LAMB4: variants seen among roughly 807,000 people sequenced by gnomAD.
The protein encoded by LAMB4 is laminin subunit beta-4.
Under a neutral mutation model 199.2 loss-of-function variants are expected in LAMB4, and 196 were observed. The observed-to-expected ratio is 0.98, with a 90% CI of 0.88 to 1.11. The LOEUF is 1.11. LAMB4 is among the 50% of genes least tolerant of loss of function. The pLI is 0.00. For missense variants in LAMB4, 2,080 were observed against 2,171.2 expected (o/e 0.96, Z 0.83); for synonymous variants, 744 against 770.6 (o/e 0.97, Z 0.57).
At chr7:108,035,339 G>A (rs902856843) in intron 30 of LAMB4, among the ~76,000 whole-genome samples, 18 of 151,954 alleles carry the variant, frequency 1.2e-4, no homozygotes, top group Non-Finnish European at 2.2e-4. Context: ...TCAGGAGTTC[G>A]AGACCAGCCT....
chr7:108,116,495 T>C (rs2038413126), intron 2 of LAMB4, among the ~76,000 whole-genome samples: 1 of 152,216 alleles, frequency 6.6e-6, no homozygotes, highest in Admixed American at 6.5e-5. Flanking sequence ...TGAAAGATAC[T>C]GCATTCTGTA....
intron 29 of LAMB4, among the ~76,000 whole-genome samples, chr7:108,043,383 C>T (rs2035488784): frequency 6.6e-6 from 1 of 151,790 alleles, no homozygotes. Context: ...TAAATTCTAG[C>T]ATTTGTTACC....
chr7:108,112,674 A>G (rs1035634899), intron 3 of LAMB4, among the ~76,000 whole-genome samples: 4 of 152,224 alleles, frequency 2.6e-5, no homozygotes, highest in Admixed American at 2.0e-4. Flanking sequence ...ACTTGCAGCT[A>G]TACTTGAAAC....
Position 108,111,819 on chromosome 7 carries a change from G to T in LAMB4, c.320C>A (p.Ser107Tyr), listed in dbSNP as rs576824303. The T allele has an allele frequency of 6.8e-6, 11 of 1,611,226 alleles. No homozygotes were observed. In the African/African-American group the frequency reaches 1.5e-4, roughly 21 times the overall value. ...AGGAACTTAAATCATACCATTTTCA[G>T]ATTGCCACCATTTCTTTTCTCTGTC... ...EPDREKKWWQ[S>Y]ENGLDHVSIR... The change falls in exon 4 of 34, where the codon TCT (serine) becomes TAT (tyrosine). Residue 107 changes from serine (S) to tyrosine (Y), a missense_variant. By Grantham distance (144) the Ser-to-Tyr change is moderately radical. Transcript: ENST00000388781.
chr7:108,012,798 C>T, the LAMB4 span, among the ~76,000 whole-genome samples: 1 of 152,162 alleles, frequency 6.6e-6, no homozygotes, highest in Admixed American at 6.6e-5. Context: ...CCTCCCCTGC[C>T]ACCCTCAATA....
chr7:108,027,244 TA>T (rs71137603), intron 33 of LAMB4, among the ~76,000 whole-genome samples: 25 of 150,306 alleles, frequency 1.7e-4, no homozygotes, highest in South Asian at 4.2e-4. Flanking sequence ...AATGCAAGAT[TA>T]AAAAAAAAAT....
rs1222978376 is a variant in LAMB4, at chr7:108,048,086, G to A, written c.4148C>T (p.Pro1383Leu). Residue 1383 changes from proline to leucine, a missense_variant, in exon 28 of 34, where the codon CCA becomes CTA. By Grantham distance (98) the Pro-to-Leu change is moderately conservative. Coordinates refer to ENST00000388781, the MANE Select transcript of LAMB4 (RefSeq NM_007356.3). ...EKVCGDPGNV[P>L]CVPLPCGGAL... ...ACCGCCACAGGGCAAGGGCACACAT[G>A]GCACATTTCCTGGATCTCCGCACAC... 1.2e-6 allele frequency: 2 copies of A among 1,613,214 alleles called. No individual in the cohort carries two copies. Among genetic ancestry groups the A allele is most frequent in the East Asian group, 2.2e-5 (1 of 44,806 alleles).
At position 108,051,710 on chromosome 7, in the gene LAMB4, T is replaced by A. The variant is rs112791110; in HGVS notation, c.3916+387A>T. 5.1e-3 allele frequency among the ~76,000 whole-genome samples: 779 copies of A among 152,276 alleles called. 6 individuals are homozygous for A. The highest frequency in any genetic ancestry group is 0.018 in the African/African-American group (745 of 41,552). Reference sequence around the variant, plus strand: ...TTTTTTGCCTCACATTCCATTGCATTTATGGTCACTGAAAATGGAGTGGCC... The same window carrying A: ...TTTTTTGCCTCACATTCCATTGCATATATGGTCACTGAAAATGGAGTGGCC... On this transcript the variant is annotated intron_variant, in intron 26 of 33. Transcript: ENST00000388781.
At chr7:108,106,438 G>T (rs766053501) in intron 7 of LAMB4, 71 bp downstream of exon 7, 22 of 889,584 alleles carry the variant, frequency 2.5e-5, no homozygotes, top group Non-Finnish European at 3.7e-5. Flanking sequence ...AAAAAGAAAA[G>T]CAATTACAAG....
chr7:108,012,742 G>A, the LAMB4 span, among the ~76,000 whole-genome samples: 2 of 152,108 alleles, frequency 1.3e-5, no homozygotes, highest in Non-Finnish European at 2.9e-5. Flanking sequence ...CAGCAATCTG[G>A]CCCTTATATA....
chr7:108,088,166 CTTTTT>C (rs56403423), intron 14 of LAMB4, among the ~76,000 whole-genome samples: 1 of 146,054 alleles, frequency 6.8e-6, no homozygotes, highest in Admixed American at 6.8e-5. Flanking sequence ...TTGCTAAAAT[CTTTTT>C]TTTTTTTTTG....
chr7:108,025,709 T>C (rs1023610599), intron 33 of LAMB4, among the ~76,000 whole-genome samples: 1 of 152,164 alleles, frequency 6.6e-6, no homozygotes, highest in Non-Finnish European at 1.5e-5. Flanking sequence ...ATAACAGGCA[T>C]GGGCCACCAC....
intron 7 of LAMB4, among the ~76,000 whole-genome samples, chr7:108,106,234 A>G (rs2038004602): frequency 6.6e-6 from 1 of 152,128 alleles, no homozygotes; most frequent in African/African-American, 2.4e-5. Flanking sequence ...ACTGGGCAAC[A>G]TGGCGACACC....
intron 4 of LAMB4, among the ~76,000 whole-genome samples, chr7:108,110,190 G>A (rs2038170938): frequency 1.3e-5 from 2 of 152,056 alleles, no homozygotes; most frequent in African/African-American, 4.8e-5. Context: ...CACCATGCCT[G>A]GCTAATTTTT....
At chr7:108,033,496 C>T (rs1584592656) in intron 31 of LAMB4, among the ~76,000 whole-genome samples, 2 of 152,118 alleles carry the variant, frequency 1.3e-5, no homozygotes, top group Non-Finnish European at 2.9e-5. Context: ...CTGCAACCTC[C>T]GCCCCCTGGA....
At chr7:108,060,454 C>A (rs1054793155) in intron 23 of LAMB4, among the ~76,000 whole-genome samples, 6 of 152,088 alleles carry the variant, frequency 3.9e-5, no homozygotes, top group African/African-American at 9.7e-5. Flanking sequence ...ACAGGCATGA[C>A]CATCCAGTGT....
chr7:108,065,526 C>G (rs1348025602), intron 21 of LAMB4, among the ~76,000 whole-genome samples: 2 of 151,994 alleles, frequency 1.3e-5, no homozygotes, highest in East Asian at 3.9e-4. Flanking sequence ...AATTAGTTTT[C>G]TAGAACATTA....
At chr7:108,118,889 T>C (rs1429279268) in intron 2 of LAMB4, among the ~76,000 whole-genome samples, 1 of 152,160 alleles carries the variant, frequency 6.6e-6, no homozygotes, top group Non-Finnish European at 1.5e-5. Context: ...TTGCAAACCA[T>C]ATATCCAACA....
intron 4 of LAMB4, among the ~76,000 whole-genome samples, chr7:108,111,001 A>C (rs571424903): frequency 6.6e-6 from 1 of 152,306 alleles, no homozygotes; most frequent in South Asian, 2.1e-4. Flanking sequence ...GAGTTTGTAG[A>C]GAATAGAGGA....
Sources: gnomAD v4.1 joint callset for allele counts (sites outside exome capture counted in the v4.1 genomes callset) on GRCh38, gnomAD v4.1.1 for gene constraint, MANE v1.5 for transcripts, NCBI Gene and HGNC (gene_info 2026-07-23, HGNC 2026-07-21) for gene names.